DCAF6: variants seen among roughly 807,000 people sequenced by gnomAD.
DCAF6 encodes the protein DDB1- and CUL4-associated factor 6.
A neutral mutation model predicts 125.1 loss-of-function variants in DCAF6; 54 were observed. The ratio of observed to expected loss-of-function variants is 0.43; its 90% CI spans 0.35 to 0.54. The LOEUF is 0.54. Among genes scored for constraint, DCAF6 ranks in the 20% least tolerant of loss-of-function variants. The probability of loss-of-function intolerance (pLI) is 0.01; values close to 1 mark genes in which losing one functional copy is unlikely to be tolerated. For synonymous variants in DCAF6, 371 were observed against 390.4 expected (o/e 0.95, Z 0.58); for missense variants, 934 against 1,161.7 (o/e 0.80, Z 2.85).
At chr1:167,967,714 CTTTTTTTTTTT>C (rs552208317) in intron 3 of DCAF6, among the ~76,000 whole-genome samples, 10 of 74,552 alleles carry the variant, frequency 1.3e-4, no homozygotes, top group African/African-American at 4.2e-4. Flanking sequence ...TTTCCTGTAT[CTTTTTTTTTTT>C]TTTTTTTTTT....
the DCAF6 span, among the ~76,000 whole-genome samples, chr1:167,928,086 T>C: frequency 1.5e-3 from 234 of 152,266 alleles, no homozygotes; most frequent in Admixed American, 4.3e-3. Flanking sequence ...CGGTGGCTCA[T>C]GCCTGTAATC....
rs1180640806 is a variant in DCAF6, at chr1:168,004,677, C to G, written c.1262C>G (p.Ala421Gly). 6.2e-6 allele frequency: 10 copies of G among 1,614,000 alleles called. No individual in the cohort carries two copies. In the East Asian group the frequency reaches 2.2e-4, roughly 36 times the overall value. Reference protein sequence around the residue: ...PSTSSTMSAQAHSTSSPTESP... With the variant: ...PSTSSTMSAQGHSTSSPTESP... ...ACATCCTCTACAATGTCAGCTCAGG[C>G]TCATTCGACATCATCTCCCACAGAA... The change falls in exon 10 of 22, where the codon GCT becomes GGT. Residue 421 changes from alanine to glycine, a missense_variant. Physicochemically the swap from Ala to Gly is moderately conservative, Grantham distance 60. Around this residue, in one of 5 missense-constraint regions of DCAF6, gnomAD observed 559 missense variants for 635.5 expected, o/e 0.88. Coordinates refer to ENST00000367840, the MANE Select transcript of DCAF6 (RefSeq NM_001198956.2).
chr1:168,029,511 A>G (rs1322820636), intron 12 of DCAF6, among the ~76,000 whole-genome samples: 1 of 152,222 alleles, frequency 6.6e-6, no homozygotes, highest in Non-Finnish European at 1.5e-5. Flanking sequence ...TTGATTTATA[A>G]TAATAACAGC....
At chr1:167,985,506 C>T (rs2102973013) in intron 4 of DCAF6, among the ~76,000 whole-genome samples, 1 of 152,214 alleles carries the variant, frequency 6.6e-6, no homozygotes, top group East Asian at 1.9e-4. Context: ...CTGACTCTGA[C>T]TCTCCTGCCT....
intron 12 of DCAF6, among the ~76,000 whole-genome samples, chr1:168,035,327 G>C (rs557091503): frequency 6.6e-6 from 1 of 152,098 alleles, no homozygotes; most frequent in African/African-American, 2.4e-5. Context: ...TGTGCCTATA[G>C]TCCCAGCTAC....
chr1:168,004,030 A>G (rs758588776), intron 9 of DCAF6, 41 bp downstream of exon 9: 4 of 1,596,474 alleles, frequency 2.5e-6, no homozygotes, highest in African/African-American at 2.7e-5. Context: ...AAAGCTGGCA[A>G]AAACTACTTA....
intron 7 of DCAF6, among the ~76,000 whole-genome samples, chr1:167,996,605 A>G (rs1390371463): frequency 1.3e-5 from 2 of 152,236 alleles, no homozygotes; most frequent in African/African-American, 4.8e-5. Context: ...CGCTCTTCTC[A>G]TCAACATTCT....
chr1:168,033,777 A>G (rs1687449449), intron 12 of DCAF6, among the ~76,000 whole-genome samples: 1 of 152,238 alleles, frequency 6.6e-6, no homozygotes, highest in Non-Finnish European at 1.5e-5. Flanking sequence ...TTGCCTCCAT[A>G]GAGACCACTC....
At chr1:167,946,946 G>A (rs948305155) in intron 1 of DCAF6, among the ~76,000 whole-genome samples, 1 of 152,146 alleles carries the variant, frequency 6.6e-6, no homozygotes, top group African/African-American at 2.4e-5. Context: ...CAGGAGTATT[G>A]ATATTACTTC....
the DCAF6 span, among the ~76,000 whole-genome samples, chr1:167,920,394 A>G: frequency 6.6e-6 from 1 of 152,232 alleles, no homozygotes; most frequent in Non-Finnish European, 1.5e-5. Context: ...TGACTCCTCC[A>G]TCCATAACTT....
chr1:167,918,470 A>G, the DCAF6 span: 3 of 672,196 alleles, frequency 4.5e-6, no homozygotes, highest in South Asian at 6.1e-5. Flanking sequence ...TCAAGTAGCT[A>G]TACAGTTGTA....
At chr1:167,958,424 A>G (rs746729556) in intron 2 of DCAF6, among the ~76,000 whole-genome samples, 17 of 151,218 alleles carry the variant, frequency 1.1e-4, no homozygotes, top group Non-Finnish European at 2.1e-4. Context: ...ATGGTCTTGG[A>G]TCTCTTGTCA....
intron 20 of DCAF6, among the ~76,000 whole-genome samples, chr1:168,067,815 T>TTACA (rs1390955929): frequency 6.6e-6 from 1 of 152,204 alleles, no homozygotes; most frequent in East Asian, 1.9e-4. Context: ...TTGCTCATGG[T>TTACA]TACATATTGC....
At chr1:167,891,984 T>G in the DCAF6 span, among the ~76,000 whole-genome samples, 11 of 151,838 alleles carry the variant, frequency 7.2e-5, no homozygotes, top group Admixed American at 7.2e-4. Context: ...TTCTTTTTTT[T>G]TTTTTTAGAG....
intron 12 of DCAF6, among the ~76,000 whole-genome samples, chr1:168,030,810 T>A (rs2103305496): frequency 6.6e-6 from 1 of 152,360 alleles, no homozygotes; most frequent in South Asian, 2.1e-4. Flanking sequence ...ACTTAGGTTA[T>A]ACATTTATTT....
the DCAF6 span, among the ~76,000 whole-genome samples, chr1:167,927,054 C>T: frequency 5.9e-4 from 90 of 152,304 alleles, no homozygotes; most frequent in African/African-American, 2.1e-3. Context: ...TCTTCCTTGA[C>T]AAATAATAGG....
At chr1:167,941,698 A>G (rs1672266015) in intron 1 of DCAF6, among the ~76,000 whole-genome samples, 1 of 152,186 alleles carries the variant, frequency 6.6e-6, no homozygotes, top group Non-Finnish European at 1.5e-5. Flanking sequence ...CTTCAGGTTT[A>G]AGGTGGGCAG....
intron 16 of DCAF6, among the ~76,000 whole-genome samples, chr1:168,048,494 AG>A (rs1558027798): frequency 6.6e-6 from 1 of 152,254 alleles, no homozygotes; most frequent in Non-Finnish European, 1.5e-5. Flanking sequence ...TGCAATACAG[AG>A]TAATGATTTT....
At chr1:167,948,353 G>T (rs1056092332) in intron 1 of DCAF6, among the ~76,000 whole-genome samples, 3 of 152,020 alleles carry the variant, frequency 2.0e-5, no homozygotes, top group Admixed American at 1.3e-4. Flanking sequence ...ATAATTTTGT[G>T]TTTTGTCTCT....
Sources: gnomAD v4.1 joint callset for allele counts (sites outside exome capture counted in the v4.1 genomes callset) on GRCh38, gnomAD v4.1.1 for gene constraint, gnomAD v4.1.1 regional missense constraint, MANE v1.5 for transcripts, NCBI Gene and HGNC (gene_info 2026-07-23, HGNC 2026-07-21) for gene names.